The following SLCO1B3 variants were observed in gnomAD, a reference collection of about 807,000 sequenced individuals.
SLCO1B3 encodes the protein solute carrier organic anion transporter family member 1B3.
SLCO1B3 carries 72 observed loss-of-function variants against 71.8 expected under a neutral mutation model. The ratio of observed to expected loss-of-function variants is 1.00; its 90% CI spans 0.83 to 1.22. The LOEUF is 1.22. Ranked by LOEUF, SLCO1B3 falls within the 50% of genes most tolerant of loss-of-function variation. SLCO1B3 has a pLI of 0.00. For synonymous variants in SLCO1B3, 298 were observed against 278.4 expected (o/e 1.07, Z -0.70); for missense variants, 911 against 819.7 (o/e 1.11, Z -1.36).
chr12:20,822,277 G>A (rs370681992), intron 3 of SLCO1B3, among the ~76,000 whole-genome samples: 51 of 152,244 alleles, frequency 3.3e-4, no homozygotes, highest in African/African-American at 9.6e-4. Context: ...GGCTGAGTCC[G>A]AAAAGAGAGT....
rs555561597 is a variant in SLCO1B3 at position 20,862,468 on chromosome 12, C to T, written c.538C>T (p.Leu180Phe). The T allele has an allele frequency of 3.1e-6, 5 of 1,613,112 alleles. No homozygotes were observed. The Admixed American group carries it at 5.0e-5, about 16-fold the overall frequency. ...MWIYVFMGNM[L>F]RGIGETPIVP... is the part of the protein sequence containing the mutation. ...GATCTATGTCTTCATGGGGAATATG[C>T]TTCGTGGCATAGGGGAAACCCCCAT... is the stretch of plus-strand genomic sequence containing the variant. Residue 180 changes from leucine to phenylalanine, a missense_variant, in exon 7 of 16, where the codon CTT (leucine) becomes TTT (phenylalanine). Physicochemically the swap from Leu to Phe is conservative, Grantham distance 22. Coordinates refer to ENST00000381545, the MANE Select transcript of SLCO1B3 (RefSeq NM_019844.4).
In SLCO1B3 at chr12:20,909,380, A is replaced by G. The variant is rs575229808; in HGVS notation, c.1866-6624A>G. On this transcript the variant is annotated intron_variant, in intron 15 of 15. Coordinates refer to ENST00000381545, the MANE Select transcript of SLCO1B3 (RefSeq NM_019844.4). The stretch of plus-strand genomic sequence containing the variant: ...AGTAGAGACAGGGTTTCGCCATGTT[A>G]GCCAGGATGGTCTTGATCTCCTGAC... 2.6e-4 allele frequency among the ~76,000 whole-genome samples: 37 copies of G among 144,276 alleles called. 1 individual carries two copies. In the South Asian group the frequency reaches 6.2e-3, roughly 24 times the overall value. 94.7% of individuals were successfully genotyped at this position (144,276 alleles called of 152,430 possible).
intron 15 of SLCO1B3, among the ~76,000 whole-genome samples, chr12:20,910,285 G>T (rs1866347537): frequency 2.0e-5 from 3 of 151,998 alleles, no homozygotes; most frequent in African/African-American, 7.3e-5. Flanking sequence ...CTATTTCTGG[G>T]CTATTTATTC....
intron 2 of SLCO1B3, among the ~76,000 whole-genome samples, 177 bp downstream of exon 2, chr12:20,813,815 CTG>C (rs1165544674): frequency 6.6e-6 from 1 of 152,194 alleles, no homozygotes; most frequent in African/African-American, 2.4e-5. Flanking sequence ...TCACCTAACA[CTG>C]TATCTCTTCT....
chr12:20,884,707 A>T (rs551016780), intron 13 of SLCO1B3, among the ~76,000 whole-genome samples: 9 of 152,222 alleles, frequency 5.9e-5, no homozygotes, highest in African/African-American at 2.2e-4. Context: ...GGTAACACCT[A>T]ATTGTACTTT....
intron 3 of SLCO1B3, among the ~76,000 whole-genome samples, chr12:20,824,828 CTAA>C (rs1864387680): frequency 6.6e-6 from 1 of 152,060 alleles, no homozygotes; most frequent in Non-Finnish European, 1.5e-5. Flanking sequence ...AGTCAAAGTA[CTAA>C]TTTTACAATT....
chr12:20,831,154 C>T (rs1265309624), intron 3 of SLCO1B3, among the ~76,000 whole-genome samples: 6 of 151,922 alleles, frequency 3.9e-5, no homozygotes, highest in South Asian at 4.2e-4. Flanking sequence ...GTTAGGAGTT[C>T]GAGACCAGCC....
chr12:20,905,516 G>C (rs750875193), intron 15 of SLCO1B3, among the ~76,000 whole-genome samples: 6 of 152,234 alleles, frequency 3.9e-5, no homozygotes, highest in Admixed American at 2.6e-4. Context: ...AAACAGCCAG[G>C]TCACATCTTG....
chr12:20,901,110 T>C (rs75466990), intron 14 of SLCO1B3, among the ~76,000 whole-genome samples: 39 of 152,186 alleles, frequency 2.6e-4, no homozygotes, highest in Non-Finnish European at 4.9e-4. Flanking sequence ...ATAATACTCT[T>C]TCTTCCCTCT....
chr12:20,869,548 G>T (rs191690459), intron 8 of SLCO1B3, among the ~76,000 whole-genome samples: 1 of 152,120 alleles, frequency 6.6e-6, no homozygotes, highest in Non-Finnish European at 1.5e-5. Flanking sequence ...TTGGTCTCTT[G>T]CCTCGGCACC....
At chr12:20,907,691 A>G (rs1382208344) in intron 15 of SLCO1B3, among the ~76,000 whole-genome samples, 3 of 150,998 alleles carry the variant, frequency 2.0e-5, no homozygotes, top group Non-Finnish European at 4.4e-5. Context: ...TTGTATCTCT[A>G]CTAGATACGG....
intron 3 of SLCO1B3, among the ~76,000 whole-genome samples, chr12:20,825,251 T>C (rs1393369442): frequency 6.6e-6 from 1 of 152,174 alleles, no homozygotes; most frequent in Non-Finnish European, 1.5e-5. Flanking sequence ...GTGTAATTTA[T>C]ATGGAAACTC....
At position 20,915,994 on chromosome 12, in the gene SLCO1B3, C is replaced by T. The variant is rs1272872606; in HGVS notation, c.1866-10C>T. The T allele has an allele frequency of 2.5e-6, 4 of 1,571,978 alleles. No homozygotes were observed. Among genetic ancestry groups the T allele is most frequent in the Non-Finnish European group, 3.5e-6 (4 of 1,157,242 alleles). On this transcript the variant is annotated splice_polypyrimidine_tract_variant and intron_variant, in intron 15 of 15. Transcript: ENST00000381545. ...AATAATAATCGACTCTCTATTTTCT[C>T]TTTTCACAGAAGGGTCTACTTGGGC... is the stretch of plus-strand genomic sequence containing the variant.
intron 2 of SLCO1B3, among the ~76,000 whole-genome samples, chr12:20,815,328 A>G (rs1281797156): frequency 1.3e-5 from 2 of 152,150 alleles, no homozygotes; most frequent in Non-Finnish European, 1.5e-5. Context: ...TTCCTTTCAT[A>G]AATCTTGTAA....
chr12:20,862,541 A>G lies in SLCO1B3; in HGVS notation c.611A>G (p.His204Arg), dbSNP rs1186350111. The change falls in exon 7 of 16, where the codon CAT (histidine) becomes CGT (arginine). Residue 204 changes from histidine to arginine, a missense_variant. Transcript: ENST00000381545. ...ATTGATGATTTTGCAAAAGAAGGACATTCTTCCTTGTATTTAGGTAACGTA... is the reference window on the plus strand; with the variant it reads ...ATTGATGATTTTGCAAAAGAAGGACGTTCTTCCTTGTATTTAGGTAACGTA... ...SYIDDFAKEG[H>R]SSLYLGSLNA... The G allele has an allele frequency of 6.2e-7, 1 of 1,610,288 alleles. No individual in the cohort carries two copies. Among genetic ancestry groups the G allele is most frequent in the Non-Finnish European group, 8.5e-7 (1 of 1,177,664 alleles).
chr12:20,855,845 T>A (rs1865123890), intron 4 of SLCO1B3, among the ~76,000 whole-genome samples: 1 of 151,838 alleles, frequency 6.6e-6, no homozygotes, highest in South Asian at 2.1e-4. Context: ...ACTGCTAGCT[T>A]ATAGCCTCTG....
At chr12:20,813,073 C>T (rs968077159) in intron 1 of SLCO1B3, among the ~76,000 whole-genome samples, 1 of 152,074 alleles carries the variant, frequency 6.6e-6, no homozygotes, top group Non-Finnish European at 1.5e-5. Flanking sequence ...TTGAACTTCT[C>T]TTAGAGATAC....
chr12:20,829,130 A>C (rs1185516098), intron 3 of SLCO1B3, among the ~76,000 whole-genome samples: 1 of 152,238 alleles, frequency 6.6e-6, no homozygotes, highest in Admixed American at 6.5e-5. Flanking sequence ...TGAAACAACA[A>C]AAACAAACAA....
chr12:20,824,404 A>G (rs1458878866), intron 3 of SLCO1B3, among the ~76,000 whole-genome samples: 1 of 152,146 alleles, frequency 6.6e-6, no homozygotes, highest in Non-Finnish European at 1.5e-5. Context: ...CTATATCTAA[A>G]TTTATCAAAA....
Sources: allele counts gnomAD v4.1 joint callset (sites outside exome capture counted in the v4.1 genomes callset), GRCh38; gene constraint gnomAD v4.1.1; transcripts MANE v1.5; gene names NCBI Gene and HGNC (gene_info 2026-07-23, HGNC 2026-07-21).